The following TIAM1 variants were observed in gnomAD, a reference collection of about 807,000 sequenced individuals.
TIAM1 encodes TIAM Rac1 associated GEF 1, also known as rho guanine nucleotide exchange factor TIAM1.
In TIAM1, 65 loss-of-function variants were observed where a neutral mutation model predicts 163.5. That is an observed-to-expected ratio of 0.40 (90% CI 0.33 to 0.49). TIAM1 has a LOEUF of 0.49. TIAM1 is among the 20% of genes least tolerant of loss of function. The pLI is 0.77. For synonymous variants in TIAM1, 833 were observed against 810.1 expected (o/e 1.03, Z -0.48); for missense variants, 1,789 against 2,044.7 (o/e 0.87, Z 2.41).
At chr21:31,251,620 G>A in intron 5 of TIAM1, 122 bp downstream of exon 5, 10 of 1,021,792 alleles carry the variant, frequency 9.8e-6, no homozygotes, top group Non-Finnish European at 1.4e-5. Context: ...TTTTAAATTA[G>A]TATGATTTTC....
At chr21:31,158,980 T>C (rs2083764596) in intron 16 of TIAM1, among the ~76,000 whole-genome samples, 1 of 152,094 alleles carries the variant, frequency 6.6e-6, no homozygotes, top group Admixed American at 6.6e-5. Context: ...GTCGCCTCAA[T>C]GGGAGCTTCT....
intron 8 of TIAM1, among the ~76,000 whole-genome samples, chr21:31,221,705 T>A (rs1173084501): frequency 6.6e-6 from 1 of 152,236 alleles, no homozygotes; most frequent in East Asian, 1.9e-4. Context: ...CCGGGTTTGG[T>A]ATTAATACAG....
intron 1 of TIAM1, among the ~76,000 whole-genome samples, chr21:31,526,662 A>AT (rs2047796662): frequency 6.6e-6 from 1 of 152,054 alleles, no homozygotes; most frequent in Non-Finnish European, 1.5e-5. Flanking sequence ...CCTTCATCAT[A>AT]TATCTATGGG....
chr21:31,153,867 C>T (rs1234728396), intron 17 of TIAM1, among the ~76,000 whole-genome samples: 1 of 151,006 alleles, frequency 6.6e-6, no homozygotes, highest in Admixed American at 6.6e-5. Flanking sequence ...TCGAAACCAG[C>T]ATGGGCAACA....
chr21:31,433,274 T>A (rs2044104374), intron 2 of TIAM1, among the ~76,000 whole-genome samples: 1 of 152,236 alleles, frequency 6.6e-6, no homozygotes, highest in Non-Finnish European at 1.5e-5. Context: ...GTTATTGGTA[T>A]CATTTAGAGC....
At chr21:31,321,299 C>CGTTAT (rs2075304314) in intron 2 of TIAM1, among the ~76,000 whole-genome samples, 3 of 152,030 alleles carry the variant, frequency 2.0e-5, no homozygotes, top group Admixed American at 2.0e-4. Flanking sequence ...CCGGTCCACA[C>CGTTAT]TGCCTTCTCA....
intron 2 of TIAM1, among the ~76,000 whole-genome samples, chr21:31,386,577 C>G (rs1177254984): frequency 2.0e-5 from 3 of 152,150 alleles, no homozygotes; most frequent in Non-Finnish European, 4.4e-5. Flanking sequence ...GCATGTGAGG[C>G]TATTTCTCCC....
chr21:31,158,010 T>A (rs2083712540), intron 16 of TIAM1, among the ~76,000 whole-genome samples: 1 of 152,240 alleles, frequency 6.6e-6, no homozygotes, highest in South Asian at 2.1e-4. Flanking sequence ...TACCTCTGGG[T>A]TTTCATTCCA....
At chr21:31,142,463 C>CA (rs34368848) in intron 20 of TIAM1, among the ~76,000 whole-genome samples, 5,482 of 49,998 alleles carry the variant, frequency 0.11, 310 homozygotes, top group Middle Eastern at 0.17. Flanking sequence ...ACTAAAAATA[C>CA]AAAAAAAAAA....
chr21:31,471,031 C>T (rs1281836838), intron 1 of TIAM1, among the ~76,000 whole-genome samples: 5 of 152,152 alleles, frequency 3.3e-5, no homozygotes, highest in East Asian at 1.9e-4. Context: ...CAGCAGGTGT[C>T]GGATGCACAA....
intron 1 of TIAM1, among the ~76,000 whole-genome samples, chr21:31,519,322 A>AG (rs1371052678): frequency 6.7e-6 from 1 of 149,188 alleles, no homozygotes; most frequent in Admixed American, 6.7e-5. Context: ...AAAAAAAAAA[A>AG]AAAAAAGAAA....
In TIAM1 at chr21:31,160,155, A is replaced by T. The variant is rs2083840246; in HGVS notation, c.2991+4807T>A. 2.0e-5 allele frequency among the ~76,000 whole-genome samples: 3 copies of T among 152,232 alleles called. No homozygotes were observed. The South Asian group carries it at 6.2e-4, about 32-fold the overall frequency. ...CAAAAAATGCAACTGACCATTAATT[A>T]AACAAAAAAATGCAGATTACATCTT... is the stretch of plus-strand genomic sequence containing the variant. On this transcript the variant is annotated intron_variant, in intron 16 of 27. Coordinates refer to ENST00000541036, the MANE Select transcript of TIAM1 (RefSeq NM_001353694.2).
intron 2 of TIAM1, among the ~76,000 whole-genome samples, chr21:31,396,709 G>A (rs1487888332): frequency 6.6e-6 from 1 of 151,632 alleles, no homozygotes; most frequent in Non-Finnish European, 1.5e-5. Context: ...CAGCACTTTG[G>A]GAGGCCAAGG....
intron 19 of TIAM1, among the ~76,000 whole-genome samples, chr21:31,149,018 A>T (rs1487275088): frequency 6.6e-6 from 1 of 151,770 alleles, no homozygotes; most frequent in Admixed American, 6.5e-5. Flanking sequence ...CAATTGTGGA[A>T]ATCAGCAGCA....
intron 2 of TIAM1, among the ~76,000 whole-genome samples, chr21:31,421,597 A>C (rs1388171859): frequency 6.6e-6 from 1 of 152,218 alleles, no homozygotes; most frequent in Non-Finnish European, 1.5e-5. Flanking sequence ...GAGATGGAAC[A>C]GTTTCATTCT....
Position 31,299,846 on chromosome 21 carries a change from T to G in TIAM1, c.-188-22938A>C, listed in dbSNP as rs544345418. Among the ~76,000 whole-genome samples the G allele has an allele frequency of 5.8e-4, 88 of 152,308 alleles. 1 individual carries two copies. The highest frequency in any genetic ancestry group is 2.0e-3 in the African/African-American group (82 of 41,570). On this transcript the variant is annotated intron_variant, in intron 2 of 27. Coordinates refer to ENST00000541036, the MANE Select transcript of TIAM1 (RefSeq NM_001353694.2). Reference sequence around the variant, plus strand: ...AATAAGAGTACATGGAACAATCTGTTGGAAATCACAGTCCGCTGCCTGAGC... The same window carrying G: ...AATAAGAGTACATGGAACAATCTGTGGGAAATCACAGTCCGCTGCCTGAGC...
At position 31,378,313 on chromosome 21, in the gene TIAM1, T is replaced by A. The variant is rs561661746; in HGVS notation, c.-368-38891A>T. Among the ~76,000 whole-genome samples, 568 of 152,186 alleles carry A rather than the reference T, an allele frequency of 3.7e-3. 1 individual carries two copies. The highest frequency in any genetic ancestry group is 5.7e-3 in the Non-Finnish European group (387 of 67,998). ...CATGTTAGCCAGGAGGCACCTTATG[T>A]CTTCAAAAAAAATTAACACCAACCT... On this transcript the variant is annotated intron_variant, in intron 2 of 28. Coordinates refer to the TIAM1 transcript ENST00000286827.
In TIAM1 at chr21:31,197,539, C is replaced by CTTTTTTTTTTTTTT. The variant is rs58141765; in HGVS notation, c.2494-2248_2494-2235dup. 2.7e-4 allele frequency among the ~76,000 whole-genome samples: 33 copies of CTTTTTTTTTTTTTT among 123,240 alleles called. 2 individuals are homozygous for CTTTTTTTTTTTTTT. The East Asian group carries it at 4.6e-3, about 17-fold the overall frequency. 80.9% of individuals were successfully genotyped at this position (123,240 alleles called of 152,430 possible). A position where few individuals can be genotyped will look rare whatever the true frequency, so the allele number is the denominator to read the frequency against. Reference sequence around the variant, plus strand: ...TACAGGCGCCCGCCACCGCGCCCGGCTTTTTTTTTTTTTTTGTATTTTTAG... The same window carrying CTTTTTTTTTTTTTT: ...TACAGGCGCCCGCCACCGCGCCCGGCTTTTTTTTTTTTTTTTTTTTTTTTTTTTTGTATTTTTAG... On this transcript the variant is annotated intron_variant, in intron 12 of 27. Transcript: ENST00000541036.
intron 1 of TIAM1, among the ~76,000 whole-genome samples, chr21:31,469,846 CAA>C (rs10575349): frequency 0.69 from 103,148 of 150,242 alleles, 35,842 homozygotes; most frequent in African/African-American, 0.73. Context: ...AACAAACAAA[CAA>C]AAAAAAAATC....
Sources: allele counts gnomAD v4.1 joint callset (sites outside exome capture counted in the v4.1 genomes callset), GRCh38; gene constraint gnomAD v4.1.1; transcripts MANE v1.5; gene names NCBI Gene and HGNC (gene_info 2026-07-23, HGNC 2026-07-21).